The following JARID2 variants were observed in gnomAD, a reference collection of about 807,000 sequenced individuals.
The protein encoded by JARID2 is protein Jumonji.
A neutral mutation model predicts 125.6 loss-of-function variants in JARID2; 21 were observed. The ratio of observed to expected loss-of-function variants is 0.17; its 90% CI spans 0.12 to 0.24. The LOEUF (loss-of-function observed/expected upper bound fraction) is 0.24, where lower values mean the gene tolerates loss of function less well. Among genes scored for constraint, JARID2 ranks in the 10% least tolerant of loss-of-function variants. The pLI is 1.00. For synonymous variants in JARID2, 736 were observed against 661.6 expected (o/e 1.11, Z -1.73); for missense variants, 1,303 against 1,639.6 (o/e 0.79, Z 3.55).
At chr6:15,388,598 T>C (rs1764879164) in intron 2 of JARID2, among the ~76,000 whole-genome samples, 1 of 148,322 alleles carries the variant, frequency 6.7e-6, no homozygotes, top group Admixed American at 6.7e-5. Flanking sequence ...AATATATATA[T>C]ATAATTTTTC....
At chr6:15,343,379 G>A (rs1763137939) in intron 1 of JARID2, among the ~76,000 whole-genome samples, 1 of 151,598 alleles carries the variant, frequency 6.6e-6, no homozygotes, top group Admixed American at 6.6e-5. Flanking sequence ...ATGGAAGAGT[G>A]TCATTAAGTT....
chr6:15,325,284 GCA>G (rs1223538978), intron 1 of JARID2, among the ~76,000 whole-genome samples: 4 of 152,078 alleles, frequency 2.6e-5, no homozygotes, highest in South Asian at 2.1e-4. Flanking sequence ...CTGTGTGTGT[GCA>G]CACACACAAC....
At chr6:15,299,009 C>T (rs114982733) in intron 1 of JARID2, among the ~76,000 whole-genome samples, 4,945 of 91,284 alleles carry the variant, frequency 0.054, 153 homozygotes, top group African/African-American at 0.12. Context: ...GGGTGGGGGG[C>T]GGGTGGAGCA....
intron 1 of JARID2, among the ~76,000 whole-genome samples, chr6:15,284,221 C>G (rs530922182): frequency 6.6e-6 from 1 of 152,298 alleles, no homozygotes; most frequent in African/African-American, 2.4e-5. Context: ...ATCACCCTAC[C>G]CACTAAATTG....
At chr6:15,506,103 G>A (rs1770992830) in intron 9 of JARID2, among the ~76,000 whole-genome samples, 3 of 152,206 alleles carry the variant, frequency 2.0e-5, no homozygotes, top group African/African-American at 4.8e-5. Flanking sequence ...AACACAAAGG[G>A]GAGATTTGCT....
intron 1 of JARID2, among the ~76,000 whole-genome samples, chr6:15,273,992 G>T (rs1178790931): frequency 6.7e-6 from 1 of 150,304 alleles, no homozygotes; most frequent in Non-Finnish European, 1.5e-5. Context: ...GCAGTGGCAC[G>T]ATCTCAGCTC....
At chr6:15,335,833 C>T (rs764950525) in intron 1 of JARID2, among the ~76,000 whole-genome samples, 2 of 152,066 alleles carry the variant, frequency 1.3e-5, no homozygotes, top group Non-Finnish European at 2.9e-5. Flanking sequence ...TGGCTTACCC[C>T]TGTAATCCCA....
chr6:15,403,785 T>C (rs1765537182), intron 2 of JARID2, among the ~76,000 whole-genome samples: 1 of 152,154 alleles, frequency 6.6e-6, no homozygotes, highest in African/African-American at 2.4e-5. Context: ...ATTGTTGATT[T>C]ACAAATCAGT....
intron 5 of JARID2, 94 bp from the exon 6 acceptor site, chr6:15,487,213 A>AT: frequency 9.9e-7 from 1 of 1,009,758 alleles, no homozygotes; most frequent in Non-Finnish European, 1.5e-6. Flanking sequence ...TGGACATGAG[A>AT]TTTGGGTGGG....
intron 7 of JARID2, among the ~76,000 whole-genome samples, chr6:15,500,282 G>A (rs143836767): frequency 9.4e-4 from 143 of 152,348 alleles, no homozygotes; most frequent in Middle Eastern, 6.8e-3. Context: ...AGGCATAGAT[G>A]TGCTGCCCTG....
intron 5 of JARID2, among the ~76,000 whole-genome samples, chr6:15,473,281 C>T (rs1395232702): frequency 3.3e-5 from 5 of 152,164 alleles, no homozygotes; most frequent in Non-Finnish European, 5.9e-5. Context: ...CCTGTGCTGA[C>T]GTAAGCGCTC....
intron 1 of JARID2, among the ~76,000 whole-genome samples, chr6:15,339,432 T>G (rs944313678): frequency 4.6e-5 from 7 of 152,166 alleles, no homozygotes; most frequent in African/African-American, 1.7e-4. Flanking sequence ...AGTGGCTACC[T>G]CAGTCTCTTA....
chr6:15,336,476 A>G (rs1053980635), intron 1 of JARID2, among the ~76,000 whole-genome samples: 2 of 152,236 alleles, frequency 1.3e-5, no homozygotes, highest in Admixed American at 1.3e-4. Context: ...TACATTTAAG[A>G]CAATATTTGT....
At chr6:15,359,148 G>C (rs913885571) in intron 1 of JARID2, among the ~76,000 whole-genome samples, 2 of 152,202 alleles carry the variant, frequency 1.3e-5, no homozygotes, top group Admixed American at 1.3e-4. Flanking sequence ...AGGAGCTCAA[G>C]GATTATGGAA....
chr6:15,400,598 T>A (rs1206028622), intron 2 of JARID2, among the ~76,000 whole-genome samples: 1 of 152,042 alleles, frequency 6.6e-6, no homozygotes, highest in Non-Finnish European at 1.5e-5. Flanking sequence ...ACTTCGGATT[T>A]GTCTGCATTG....
chr6:15,338,223 G>A (rs1173494113), intron 1 of JARID2, among the ~76,000 whole-genome samples: 1 of 152,118 alleles, frequency 6.6e-6, no homozygotes, highest in Non-Finnish European at 1.5e-5. Flanking sequence ...CTGAGTTTTC[G>A]CTGAAAGAAG....
intron 2 of JARID2, among the ~76,000 whole-genome samples, chr6:15,379,400 G>T (rs1764494663): frequency 1.3e-5 from 2 of 152,210 alleles, no homozygotes; most frequent in Admixed American, 6.5e-5. Context: ...ACTGGCAGAG[G>T]CTGAGACCTT....
intron 3 of JARID2, among the ~76,000 whole-genome samples, chr6:15,449,871 CA>C (rs1490528779): frequency 1.3e-5 from 2 of 152,070 alleles, no homozygotes; most frequent in East Asian, 3.9e-4. Context: ...CTGCTTAGGA[CA>C]TACAAGGGAA....
chr6:15,248,184 A>C (rs1174442289), intron 1 of JARID2: 2 of 714,734 alleles, frequency 2.8e-6, no homozygotes, highest in Non-Finnish European at 3.4e-6. Flanking sequence ...CCGGGAGCAG[A>C]GCCGGTGTTC....
Sources: gnomAD v4.1 joint callset for allele counts (sites outside exome capture counted in the v4.1 genomes callset) on GRCh38, gnomAD v4.1.1 for gene constraint, MANE v1.5 for transcripts, NCBI Gene and HGNC (gene_info 2026-07-23, HGNC 2026-07-21) for gene names.